Variants in STXBP4 observed in about 807,000 individuals in gnomAD.
The protein encoded by STXBP4 is syntaxin-binding protein 4.
Under a neutral mutation model 76.1 loss-of-function variants are expected in STXBP4, and 55 were observed. That is an observed-to-expected ratio of 0.72 (90% CI 0.58 to 0.91). The LOEUF (loss-of-function observed/expected upper bound fraction) is 0.91. Among genes scored for constraint, STXBP4 ranks in the 40% least tolerant of loss-of-function variants. The probability of loss-of-function intolerance (pLI) is 0.00; values close to 1 mark genes in which losing one functional copy is unlikely to be tolerated. For synonymous variants in STXBP4, 201 were observed against 220.2 expected (o/e 0.91, Z 0.77); for missense variants, 618 against 636.9 (o/e 0.97, Z 0.32).
intron 12 of STXBP4, among the ~76,000 whole-genome samples, chr17:55,059,016 G>A (rs1038328022): frequency 6.6e-6 from 1 of 151,738 alleles, no homozygotes; most frequent in Admixed American, 6.6e-5. Flanking sequence ...AATTGCAATT[G>A]CATTGTTCCA....
At chr17:55,019,707 T>C (rs1158275148) in intron 8 of STXBP4, among the ~76,000 whole-genome samples, 3 of 152,156 alleles carry the variant, frequency 2.0e-5, no homozygotes, top group Admixed American at 2.0e-4. Context: ...TCTTTTGGTA[T>C]AGGTTGATAG....
intron 8 of STXBP4, among the ~76,000 whole-genome samples, chr17:55,019,924 A>C (rs1338985862): frequency 6.6e-6 from 1 of 152,088 alleles, no homozygotes. Flanking sequence ...TCTTTTCACT[A>C]TGACTGCTTT....
chr17:55,153,780 A>G (rs2080242681), intron 17 of STXBP4, among the ~76,000 whole-genome samples: 1 of 152,244 alleles, frequency 6.6e-6, no homozygotes, highest in Admixed American at 6.5e-5. Flanking sequence ...GGAAACGTTG[A>G]CAGTGGTCTT....
At chr17:55,051,283 A>C (rs1412907150) in intron 12 of STXBP4, among the ~76,000 whole-genome samples, 1 of 152,182 alleles carries the variant, frequency 6.6e-6, no homozygotes, top group Non-Finnish European at 1.5e-5. Context: ...GAAGAAAATG[A>C]ATCTAATTGT....
Position 55,168,305 on chromosome 17 carries a change from C to A in STXBP4, c.*8394C>A, listed in dbSNP as rs2080388471. On this transcript the variant is annotated 3_prime_UTR_variant, in exon 18 of 18. Coordinates refer to ENST00000376352, the MANE Select transcript of STXBP4 (RefSeq NM_178509.6). ...TAAGAAATATTTAATAAAATCTACA[C>A]AATTTCAAAAATATGACCAAATACT... The A allele has an allele frequency of 6.6e-6, 1 of 151,618 alleles. No homozygotes were observed. The highest frequency in any genetic ancestry group is 6.5e-5 in the Admixed American group (1 of 15,268). The allele number at this position is 151,618 out of a possible 1,614,324, so 9.4% of individuals were successfully genotyped here. A position where few individuals can be genotyped will look rare whatever the true frequency, so the allele number is the denominator to read the frequency against.
At chr17:55,066,772 G>A (rs1348997533) in intron 12 of STXBP4, among the ~76,000 whole-genome samples, 4 of 152,100 alleles carry the variant, frequency 2.6e-5, no homozygotes, top group Non-Finnish European at 5.9e-5. Flanking sequence ...CACTTTCGGA[G>A]GCCGAGGTGG....
chr17:55,033,302 C>T (rs901007493), intron 9 of STXBP4, among the ~76,000 whole-genome samples: 1 of 151,814 alleles, frequency 6.6e-6, no homozygotes, highest in African/African-American at 2.4e-5. Flanking sequence ...TGAACCTGGG[C>T]AGTGGAGGTT....
chr17:54,969,016 T>C (rs2077337154), intron 1 of STXBP4, among the ~76,000 whole-genome samples: 1 of 152,206 alleles, frequency 6.6e-6, no homozygotes, highest in South Asian at 2.1e-4. Flanking sequence ...CGGTCTTTTC[T>C]CCTGGGGTCC....
At chr17:55,025,619 A>T (rs575873279) in intron 8 of STXBP4, among the ~76,000 whole-genome samples, 1 of 152,334 alleles carries the variant, frequency 6.6e-6, no homozygotes, top group East Asian at 1.9e-4. Flanking sequence ...CAATAAACTA[A>T]CAATAGAAAG....
At chr17:54,981,949 C>T (rs2077556543) in intron 1 of STXBP4, among the ~76,000 whole-genome samples, 1 of 152,126 alleles carries the variant, frequency 6.6e-6, no homozygotes, top group Non-Finnish European at 1.5e-5. Flanking sequence ...TGCCTCACTC[C>T]AACTACCTTG....
chr17:55,067,706 A>G (rs1598282276), intron 12 of STXBP4, among the ~76,000 whole-genome samples: 1 of 152,160 alleles, frequency 6.6e-6, no homozygotes, highest in Non-Finnish European at 1.5e-5. Flanking sequence ...GCAGAATACA[A>G]TAAAGAACAC....
chr17:55,094,916 C>G (rs2079464486), intron 16 of STXBP4, among the ~76,000 whole-genome samples: 1 of 152,128 alleles, frequency 6.6e-6, no homozygotes, highest in Non-Finnish European at 1.5e-5. Context: ...AATCCCAAAG[C>G]TCCCACATAT....
At chr17:55,149,947 T>C (rs989720687) in intron 17 of STXBP4, among the ~76,000 whole-genome samples, 2 of 152,138 alleles carry the variant, frequency 1.3e-5, no homozygotes, top group Non-Finnish European at 2.9e-5. Flanking sequence ...ATTTAACCAA[T>C]GACAGGTATA....
intron 16 of STXBP4, among the ~76,000 whole-genome samples, chr17:55,109,707 G>T (rs2079688751): frequency 6.9e-6 from 1 of 145,448 alleles, no homozygotes; most frequent in Admixed American, 7.2e-5. Flanking sequence ...TCAGCTCACT[G>T]CAACCTCCAC....
intron 16 of STXBP4, among the ~76,000 whole-genome samples, chr17:55,086,518 A>G (rs1165628387): frequency 6.6e-6 from 1 of 152,066 alleles, no homozygotes; most frequent in Non-Finnish European, 1.5e-5. Context: ...GTAATTTTTT[A>G]TCCTTTAACA....
chr17:55,186,152 G>A, the STXBP4 span, among the ~76,000 whole-genome samples: 1 of 152,154 alleles, frequency 6.6e-6, no homozygotes, highest in Non-Finnish European at 1.5e-5. Context: ...TGCTGACACT[G>A]AACCATACAT....
Position 54,999,442 on chromosome 17 carries a change from C to A in STXBP4, c.278C>A (p.Ala93Asp). 6.2e-7 allele frequency: 1 copy of A among 1,610,306 alleles called. No individual in the cohort carries two copies. The highest frequency in any genetic ancestry group is 8.5e-7 in the Non-Finnish European group (1 of 1,178,270). ...FEEAKSIITG[A>D]KLRLESAWEI... ...GAAGCAAAAAGCATAATTACCGGAG[C>A]CAAGTTGAGGTAACTATACTATCCA... Residue 93 changes from alanine (A) to aspartate (D), a missense_variant, in exon 5 of 18, where the codon GCC becomes GAC. Transcript: ENST00000376352.
chr17:55,037,631 A>G (rs1393619108), intron 10 of STXBP4, among the ~76,000 whole-genome samples: 2 of 152,140 alleles, frequency 1.3e-5, no homozygotes, highest in African/African-American at 4.8e-5. Context: ...TCAGATCAAA[A>G]TGTCGTGCAA....
chr17:55,104,539 T>C (rs920947505), intron 16 of STXBP4, among the ~76,000 whole-genome samples: 3 of 152,334 alleles, frequency 2.0e-5, no homozygotes, highest in Non-Finnish European at 2.9e-5. Context: ...AATATTTTAT[T>C]GAGGATTTTT....
Sources: allele counts gnomAD v4.1 joint callset (sites outside exome capture counted in the v4.1 genomes callset), GRCh38; gene constraint gnomAD v4.1.1; transcripts MANE v1.5; gene names NCBI Gene and HGNC (gene_info 2026-07-23, HGNC 2026-07-21).